Variants in ATP6V1E2 observed in about 807,000 individuals in gnomAD.
The protein encoded by ATP6V1E2 is V-type proton ATPase subunit E 2.
For missense variants in ATP6V1E2, 308 were observed against 273.3 expected (o/e 1.13, Z -0.90); for synonymous variants, 121 against 104.2 (o/e 1.16, Z -0.98).
intron 2 of ATP6V1E2, chr2:46,537,426 G>C (rs777134335): frequency 6.6e-6 from 1 of 152,204 alleles, no homozygotes; most frequent in Non-Finnish European, 1.5e-5. Context: ...AGAAGTTCAA[G>C]ACTTTGTTCA....
In ATP6V1E2 at chr2:46,512,254, G is replaced by A; in HGVS notation, c.458C>T (p.Pro153Leu). ...TTTCTGGGAAATTGTCATGTACTCG[G>A]GGATGGCTTTTTGTACAGCAGCCTC... ...LVEAAVQKAI[P>L]EYMTISQKHV... is the part of the protein sequence containing the mutation. Residue 153 changes from proline to leucine, a missense_variant, in exon 5 of 5, where the codon CCC becomes CTC. Physicochemically the swap from Pro to Leu is moderately conservative, Grantham distance 98 (BLOSUM62 -3). Coordinates refer to ENST00000522587, the MANE Select transcript of ATP6V1E2 (RefSeq NM_001318063.2). 2 of 1,613,640 alleles carry A rather than the reference G, an allele frequency of 1.2e-6. No individual in the cohort carries two copies. The highest frequency in any genetic ancestry group is 3.3e-4 in the Middle Eastern group (2 of 6,060).
intron 4 of ATP6V1E2, among the ~76,000 whole-genome samples, 173 bp from the exon 5 acceptor site, chr2:46,512,985 A>C (rs1687545577): frequency 6.6e-6 from 1 of 152,218 alleles, no homozygotes; most frequent in African/African-American, 2.4e-5. Flanking sequence ...GGATCTCCAG[A>C]ATTCTATCCC....
Position 46,512,301 on chromosome 2 carries a change from C to G in ATP6V1E2, c.411G>C (p.Arg137=). 1.2e-6 allele frequency: 2 copies of G among 1,610,856 alleles called. No individual in the cohort carries two copies. Among genetic ancestry groups the G allele is most frequent in the African/African-American group, 2.7e-5 (2 of 74,904 alleles). The change falls in exon 5 of 5, where the codon CGG becomes CGC. Residue 137 remains arginine, a synonymous_variant. Coordinates refer to ENST00000522587, the MANE Select transcript of ATP6V1E2 (RefSeq NM_001318063.2). ...CCTCCACCAGGAGGAGGTCTTGTGG[C>G]CGGCAGCGTACAATCATCACAGGTT... is the stretch of plus-strand genomic sequence containing the variant. ...LLEPVMIVRC[R]PQDLLLVEAA...
chr2:46,528,992 C>T (rs767789506), intron 4 of ATP6V1E2, among the ~76,000 whole-genome samples: 14 of 152,136 alleles, frequency 9.2e-5, no homozygotes, highest in Non-Finnish European at 7.3e-5. Flanking sequence ...GAAGTTGGCC[C>T]AGGCTGGAGG....
intron 4 of ATP6V1E2, among the ~76,000 whole-genome samples, chr2:46,533,710 C>T (rs1171764373): frequency 6.6e-6 from 1 of 151,832 alleles, no homozygotes; most frequent in Non-Finnish European, 1.5e-5. Context: ...TTTTTTCTGC[C>T]TCGGGAACTT....
chr2:46,517,735 A>G (rs1398087186), intron 4 of ATP6V1E2, among the ~76,000 whole-genome samples: 3 of 152,240 alleles, frequency 2.0e-5, no homozygotes, highest in Non-Finnish European at 4.4e-5. Flanking sequence ...GCATAGGAAA[A>G]CATCATGTGC....
At chr2:46,524,661 C>G (rs898598153) in intron 4 of ATP6V1E2, among the ~76,000 whole-genome samples, 5 of 152,192 alleles carry the variant, frequency 3.3e-5, no homozygotes, top group Admixed American at 2.6e-4. Context: ...AGGGGCCAGT[C>G]AGGGAGGGAG....
chr2:46,540,308 G>C (rs1428809948), intron 2 of ATP6V1E2, among the ~76,000 whole-genome samples: 1 of 152,036 alleles, frequency 6.6e-6, no homozygotes, highest in Non-Finnish European at 1.5e-5. Context: ...TGTAATCCCA[G>C]CTACTTGGAG....
At chr2:46,532,303 AC>A (rs1667220271) in intron 4 of ATP6V1E2, among the ~76,000 whole-genome samples, 1 of 144,346 alleles carries the variant, frequency 6.9e-6, no homozygotes, top group Admixed American at 6.9e-5. Flanking sequence ...TGATCTTGGC[AC>A]CCTCCTGACT....
chr2:46,519,447 C>T (rs1030657796), intron 4 of ATP6V1E2: 2 of 152,222 alleles, frequency 1.3e-5, no homozygotes, highest in Admixed American at 6.5e-5. Flanking sequence ...ACACCCACAA[C>T]AGGGGATGCT....
intron 2 of ATP6V1E2, among the ~76,000 whole-genome samples, chr2:46,539,366 T>C (rs1667604308): frequency 6.6e-6 from 1 of 152,238 alleles, no homozygotes; most frequent in Non-Finnish European, 1.5e-5. Flanking sequence ...TAGACCAAGG[T>C]TCCCCTCTGA....
chr2:46,540,692 G>A lies in ATP6V1E2; in HGVS notation c.-310+698C>T, dbSNP rs192808046. Reference sequence around the variant, plus strand: ...CATGGGAAAGTGAGGTTTCTGTTGCGGTCTGATTGGTGCTTCCAGCTAAGG... The same window carrying A: ...CATGGGAAAGTGAGGTTTCTGTTGCAGTCTGATTGGTGCTTCCAGCTAAGG... On this transcript the variant is annotated intron_variant, in intron 2 of 4. Coordinates refer to ENST00000522587, the MANE Select transcript of ATP6V1E2 (RefSeq NM_001318063.2). Among the ~76,000 whole-genome samples, 47 of 139,198 alleles carry A rather than the reference G, an allele frequency of 3.4e-4. 1 individual carries two copies. The highest frequency in any genetic ancestry group is 1.2e-3 in the African/African-American group (43 of 36,610). 91.3% of individuals were successfully genotyped at this position (139,198 alleles called of 152,430 possible). A position where few individuals can be genotyped will look rare whatever the true frequency, so the allele number is the denominator to read the frequency against.
intron 4 of ATP6V1E2, among the ~76,000 whole-genome samples, chr2:46,518,692 A>G (rs369865420): frequency 6.6e-6 from 1 of 151,864 alleles, no homozygotes; most frequent in Admixed American, 6.6e-5. Flanking sequence ...ATGTACTTTT[A>G]AAAAAAACCT....
chr2:46,513,400 G>T (rs2103821186), intron 4 of ATP6V1E2, among the ~76,000 whole-genome samples: 1 of 152,300 alleles, frequency 6.6e-6, no homozygotes, highest in African/African-American at 2.4e-5. Context: ...TGCTGCTGTT[G>T]GGTGGAATGT....
At position 46,526,421 on chromosome 2, in the gene ATP6V1E2, A is replaced by G. The variant is rs563512022; in HGVS notation, c.-102+9392T>C. Reference sequence around the variant, plus strand: ...GTGAACCACCACACCCTGCCTTTTTAAGTGTACATTTATGTAGCATTAAGA... The same window carrying G: ...GTGAACCACCACACCCTGCCTTTTTGAGTGTACATTTATGTAGCATTAAGA... On this transcript the variant is annotated intron_variant, in intron 4 of 4. Coordinates refer to ENST00000522587, the MANE Select transcript of ATP6V1E2 (RefSeq NM_001318063.2). Among the ~76,000 whole-genome samples the G allele has an allele frequency of 9.9e-5, 15 of 152,258 alleles. No individual in the cohort carries two copies. In the South Asian group the frequency reaches 3.1e-3, roughly 32 times the overall value.
At chr2:46,533,770 A>G (rs1014765370) in intron 4 of ATP6V1E2, among the ~76,000 whole-genome samples, 11 of 152,132 alleles carry the variant, frequency 7.2e-5, no homozygotes, top group African/African-American at 2.7e-4. Flanking sequence ...AAAAACTTTA[A>G]GCCTTTTGTT....
chr2:46,526,012 G>A (rs73927878), intron 4 of ATP6V1E2, among the ~76,000 whole-genome samples: 3,670 of 152,188 alleles, frequency 0.024, 73 homozygotes, highest in African/African-American at 0.054. Context: ...ATTTTTTAGA[G>A]AAGTTGGAAA....
At position 46,512,820 on chromosome 2, in the gene ATP6V1E2, A is replaced by G. The variant is rs867171214; in HGVS notation, c.-101-8T>C. The G allele has an allele frequency of 1.4e-5, 13 of 907,474 alleles. No homozygotes were observed. Among genetic ancestry groups the G allele is most frequent in the Non-Finnish European group, 2.1e-5 (13 of 612,398 alleles). The allele number at this position is 907,474 out of a possible 1,614,324, so 56.2% of individuals were successfully genotyped here. A position where few individuals can be genotyped will look rare whatever the true frequency, so the allele number is the denominator to read the frequency against. On this transcript the variant is annotated splice_polypyrimidine_tract_variant and splice_region_variant and intron_variant, in intron 4 of 4. Coordinates refer to ENST00000522587, the MANE Select transcript of ATP6V1E2 (RefSeq NM_001318063.2). ...GGAGTTCCACTTTCTCAGCTATACC[A>G]GTGAACAAGAGGATGAAAGAGAAAG...
intron 2 of ATP6V1E2, among the ~76,000 whole-genome samples, chr2:46,540,519 T>A (rs1013078626): frequency 6.8e-6 from 1 of 146,438 alleles, no homozygotes; most frequent in African/African-American, 2.5e-5. Flanking sequence ...TTTGCACAAA[T>A]AAAAGGAGAG....
Sources: allele counts gnomAD v4.1 joint callset (sites outside exome capture counted in the v4.1 genomes callset), GRCh38; gene constraint gnomAD v4.1.1; transcripts MANE v1.5; gene names NCBI Gene and HGNC (gene_info 2026-07-23, HGNC 2026-07-21).